The following RHOJ variants were observed in gnomAD, a reference collection of about 807,000 sequenced individuals.
RHOJ encodes the protein rho-related GTP-binding protein RhoJ.
In RHOJ, 11 loss-of-function variants were observed where a neutral mutation model predicts 23.4. The observed-to-expected ratio is 0.47, with a 90% confidence interval of 0.30 to 0.78. RHOJ has a LOEUF of 0.78. Ranked by LOEUF, RHOJ falls within the 30% of genes least tolerant of loss-of-function variation. The pLI is 0.08. For missense variants in RHOJ, 254 were observed against 273.4 expected, an observed-to-expected ratio of 0.93 and a Z score of 0.50; for synonymous variants, 102 against 102.7, an observed-to-expected ratio of 0.99 and a Z score of 0.04.
Position 63,204,744 on chromosome 14 carries a change from TCCAAGGTAC to T in RHOJ, c.-121_-113del. On this transcript the variant is annotated 5_prime_UTR_variant, in exon 1 of 5. Coordinates refer to ENST00000316754, the MANE Select transcript of RHOJ (RefSeq NM_020663.5). ...CCCAGCCTCGGACATGTCTGTATGA[TCCAAGGTAC>T]CCAAAGTCAGACAGAGTAAACTCAA... 1.1e-6 allele frequency: 1 copy of T among 908,452 alleles called. No homozygotes were observed. The highest frequency in any genetic ancestry group is 1.7e-6 in the Non-Finnish European group (1 of 582,904). 56.3% of individuals were successfully genotyped at this position (908,452 alleles called of 1,614,324 possible).
intron 1 of RHOJ, among the ~76,000 whole-genome samples, chr14:63,261,375 C>T (rs1321459812): frequency 1.3e-5 from 2 of 151,994 alleles, no homozygotes; most frequent in Non-Finnish European, 2.9e-5. Flanking sequence ...TTCTATAGGA[C>T]AGTAATCAGT....
chr14:63,220,450 T>C (rs1353115400), intron 1 of RHOJ, among the ~76,000 whole-genome samples: 1 of 136,762 alleles, frequency 7.3e-6, no homozygotes, highest in Non-Finnish European at 1.6e-5. Context: ...ACTTAAAAGT[T>C]AAAAAAAAAA....
At chr14:63,266,566 G>A (rs544996979) in intron 1 of RHOJ, among the ~76,000 whole-genome samples, 1 of 152,262 alleles carries the variant, frequency 6.6e-6, no homozygotes, top group South Asian at 2.1e-4. Flanking sequence ...CCATGAGCAT[G>A]GAATGTTTTT....
intron 1 of RHOJ, among the ~76,000 whole-genome samples, chr14:63,246,403 A>G (rs1035509594): frequency 6.6e-6 from 1 of 152,234 alleles, no homozygotes; most frequent in Non-Finnish European, 1.5e-5. Flanking sequence ...CGGAATCTCT[A>G]TAAAAACCAC....
rs1881968938 is a variant in RHOJ at position 63,283,196 on chromosome 14, G to A, written c.478G>A (p.Gly160Ser). Reference sequence around the variant, plus strand: ...AGAGAAACCTCTCACTTACGAGCATGGTGTGAAGCTCGCAAAAGCGGTACA... The same window carrying A: ...AGAGAAACCTCTCACTTACGAGCATAGTGTGAAGCTCGCAAAAGCGGTACA... ...MKEKPLTYEHGVKLAKAIGAQ... is the reference protein window; with the variant it reads ...MKEKPLTYEHSVKLAKAIGAQ... The change falls in exon 4 of 5, where the codon GGT (glycine) becomes AGT (serine). Residue 160 changes from glycine (G) to serine (S), a missense_variant. Coordinates refer to ENST00000316754, the MANE Select transcript of RHOJ (RefSeq NM_020663.5). The A allele has an allele frequency of 6.2e-7, 1 of 1,613,838 alleles. No homozygotes were observed. Among genetic ancestry groups the A allele is most frequent in the Non-Finnish European group, 8.5e-7 (1 of 1,179,736 alleles).
At chr14:63,227,887 G>C (rs1194109140) in intron 1 of RHOJ, among the ~76,000 whole-genome samples, 1 of 152,142 alleles carries the variant, frequency 6.6e-6, no homozygotes, top group East Asian at 1.9e-4. Flanking sequence ...ACCTTCCAAG[G>C]TTCTGGAATG....
intron 1 of RHOJ, among the ~76,000 whole-genome samples, chr14:63,209,942 CT>C (rs1190681610): frequency 1.2e-4 from 17 of 146,578 alleles, no homozygotes; most frequent in African/African-American, 3.5e-4. Context: ...ATTGAATTTT[CT>C]TTTTTTTTCC....
chr14:63,243,541 T>C (rs1894922155), intron 1 of RHOJ, among the ~76,000 whole-genome samples: 1 of 152,124 alleles, frequency 6.6e-6, no homozygotes, highest in Non-Finnish European at 1.5e-5. Flanking sequence ...GGTTTCCCCA[T>C]GTTGGCCAGG....
At chr14:63,234,388 C>T (rs1373377520) in intron 1 of RHOJ, among the ~76,000 whole-genome samples, 2 of 152,150 alleles carry the variant, frequency 1.3e-5, no homozygotes, top group Admixed American at 6.6e-5. Context: ...TCTTTGCATC[C>T]CTGCTCCTAA....
rs181316428 is a variant in RHOJ, at chr14:63,257,072, A to C, written c.179-12038A>C. On this transcript the variant is annotated intron_variant, in intron 1 of 4. Transcript: ENST00000316754. ...GGGTGATAGAGCGTGACTCTGTCCC[A>C]AAAAAAAAAGAAAAAATTAGCCAGG... 2.0e-3 allele frequency among the ~76,000 whole-genome samples: 269 copies of C among 131,312 alleles called. 19 individuals carry two copies. The highest frequency in any genetic ancestry group is 7.3e-3 in the African/African-American group (262 of 35,904). The allele number at this position is 131,312 out of a possible 152,430, so 86.1% of individuals were successfully genotyped here. A position where few individuals can be genotyped will look rare whatever the true frequency, so the allele number is the denominator to read the frequency against.
At chr14:63,237,539 A>G (rs1013992962) in intron 1 of RHOJ, among the ~76,000 whole-genome samples, 5 of 152,212 alleles carry the variant, frequency 3.3e-5, no homozygotes, top group African/African-American at 4.8e-5. Flanking sequence ...AGGCCAAAGC[A>G]GGAGACTAGT....
chr14:63,268,193 CT>C (rs1328860972), intron 1 of RHOJ, among the ~76,000 whole-genome samples: 1 of 152,050 alleles, frequency 6.6e-6, no homozygotes, highest in Non-Finnish European at 1.5e-5. Flanking sequence ...ATTTTATTTC[CT>C]TTTTCCAAAA....
chr14:63,237,105 A>G (rs1001874157), intron 1 of RHOJ, among the ~76,000 whole-genome samples: 5 of 152,202 alleles, frequency 3.3e-5, no homozygotes, highest in African/African-American at 1.2e-4. Flanking sequence ...GCAGAACCCA[A>G]AGATATGGAG....
intron 2 of RHOJ, among the ~76,000 whole-genome samples, chr14:63,280,414 G>A (rs1370020882): frequency 6.6e-6 from 1 of 152,110 alleles, no homozygotes; most frequent in African/African-American, 2.4e-5. Context: ...TTGATCAAGG[G>A]TACAAAGCTG....
At chr14:63,235,624 T>C (rs1481044734) in intron 1 of RHOJ, among the ~76,000 whole-genome samples, 4 of 152,186 alleles carry the variant, frequency 2.6e-5, no homozygotes, top group African/African-American at 9.7e-5. Flanking sequence ...TACAATTCTT[T>C]CAACTTTTTG....
Position 63,250,101 on chromosome 14 carries a change from C to T in RHOJ, c.179-19009C>T, listed in dbSNP as rs1236973475. 2.0e-5 allele frequency among the ~76,000 whole-genome samples: 3 copies of T among 152,202 alleles called. No homozygotes were observed. The East Asian group carries it at 5.8e-4, about 29-fold the overall frequency. On this transcript the variant is annotated intron_variant, in intron 1 of 4. Coordinates refer to ENST00000316754, the MANE Select transcript of RHOJ (RefSeq NM_020663.5). ...CACATCTCCCACATCTCTACTGCTA[C>T]CACCTGGTCTAAGCTACCATCATCT...
chr14:63,220,219 G>A (rs1462406530), intron 1 of RHOJ, among the ~76,000 whole-genome samples: 2 of 151,964 alleles, frequency 1.3e-5, no homozygotes, highest in Non-Finnish European at 2.9e-5. Context: ...GATTCTTCAA[G>A]GACAAGGTTT....
chr14:63,241,590 G>C (rs946484069), intron 1 of RHOJ, among the ~76,000 whole-genome samples: 2 of 152,090 alleles, frequency 1.3e-5, no homozygotes, highest in Non-Finnish European at 2.9e-5. Context: ...CCTTGCAGAT[G>C]ACAGGAACAT....
At position 63,232,461 on chromosome 14, in the gene RHOJ, C is replaced by A. The variant is rs77045842; in HGVS notation, c.178+27414C>A. ...ACAGTCTGTGTGTCAGAGCCACTTC[C>A]CTGAATAGCTGTTTAGCAAGTTGGC... is the stretch of plus-strand genomic sequence containing the variant. On this transcript the variant is annotated intron_variant, in intron 1 of 4. Coordinates refer to ENST00000316754, the MANE Select transcript of RHOJ (RefSeq NM_020663.5). Among the ~76,000 whole-genome samples the A allele has an allele frequency of 3.0e-3, 459 of 152,166 alleles. 4 individuals carry two copies. The highest frequency in any genetic ancestry group is 0.01 in the African/African-American group (432 of 41,496).
Sources: gnomAD v4.1 joint callset for allele counts (sites outside exome capture counted in the v4.1 genomes callset) on GRCh38, gnomAD v4.1.1 for gene constraint, MANE v1.5 for transcripts, NCBI Gene and HGNC (gene_info 2026-07-23, HGNC 2026-07-21) for gene names.